IL18RAP: variants seen among roughly 807,000 people sequenced by gnomAD.
IL18RAP encodes the protein interleukin-18 receptor accessory protein.
IL18RAP carries 37 observed loss-of-function variants against 58.1 expected under a neutral mutation model. That is an observed-to-expected ratio of 0.64 (90% confidence interval 0.49 to 0.84). The LOEUF (loss-of-function observed/expected upper bound fraction) is 0.84, where lower values mean the gene tolerates loss of function less well. Among genes scored for constraint, IL18RAP ranks in the 40% least tolerant of loss-of-function variants. IL18RAP has a pLI of 0.00. For missense variants in IL18RAP, 667 were observed against 704.8 expected, an observed-to-expected ratio of 0.95 and a Z score of 0.61; for synonymous variants, 268 against 257.5, an observed-to-expected ratio of 1.04 and a Z score of -0.39.
At chr2:102,432,761 C>G (rs1479977140) in intron 3 of IL18RAP, among the ~76,000 whole-genome samples, 2 of 152,080 alleles carry the variant, frequency 1.3e-5, no homozygotes, top group Non-Finnish European at 2.9e-5. Flanking sequence ...GTGCTGGAGC[C>G]TGGCTGGGTC....
At position 102,423,224 on chromosome 2, in the gene IL18RAP, T is replaced by C; in HGVS notation, c.-54T>C. The C allele has an allele frequency of 1.3e-6, 2 of 1,527,864 alleles. No individual in the cohort carries two copies. The highest frequency in any genetic ancestry group is 1.8e-6 in the Non-Finnish European group (2 of 1,101,614). The allele number at this position is 1,527,864 out of a possible 1,614,324, so 94.6% of individuals were successfully genotyped here. A position where few individuals can be genotyped will look rare whatever the true frequency, so the allele number is the denominator to read the frequency against. On this transcript the variant is annotated 5_prime_UTR_variant, in exon 1 of 10. Transcript: ENST00000687160. Reference sequence around the variant, plus strand: ...CAGAGTTCTGAATCTCAAAACACTCTACTCTGGCAAAGGAATGAAGTTATT... The same window carrying C: ...CAGAGTTCTGAATCTCAAAACACTCCACTCTGGCAAAGGAATGAAGTTATT...
chr2:102,428,264 T>G (rs904562744), intron 3 of IL18RAP, among the ~76,000 whole-genome samples: 1 of 151,828 alleles, frequency 6.6e-6, no homozygotes, highest in Non-Finnish European at 1.5e-5. Context: ...AGGGTTTGCA[T>G]TGAATGTGTA....
intron 3 of IL18RAP, among the ~76,000 whole-genome samples, chr2:102,430,933 T>C (rs1682307814): frequency 6.6e-6 from 1 of 152,196 alleles, no homozygotes; most frequent in African/African-American, 2.4e-5. Context: ...GTTTTGTCTA[T>C]TAACCTTCAT....
At chr2:102,443,735 C>T (rs1683247096) in intron 6 of IL18RAP, among the ~76,000 whole-genome samples, 1 of 152,050 alleles carries the variant, frequency 6.6e-6, no homozygotes, top group African/African-American at 2.4e-5. Flanking sequence ...GGGGAAATGG[C>T]ATCATAATAA....
Position 102,449,807 on chromosome 2 carries a change from C to T in IL18RAP, c.1211-1041C>T, listed in dbSNP as rs1330007823. On this transcript the variant is annotated intron_variant, in intron 8 of 9. Coordinates refer to ENST00000687160, the MANE Select transcript of IL18RAP (RefSeq NM_001393487.1). ...GAATAGAGGCAACTGTGGTGTGTTA[C>T]ACATTTAAACAGCACAGCACCTACC... Among the ~76,000 whole-genome samples, 10 of 152,112 alleles carry T rather than the reference C, an allele frequency of 6.6e-5. No individual in the cohort carries two copies. The East Asian group carries it at 1.7e-3, about 26-fold the overall frequency.
At position 102,441,292 on chromosome 2, in the gene IL18RAP, T is replaced by C; in HGVS notation, c.731-20T>C. On this transcript the variant is annotated intron_variant, in intron 4 of 9. Transcript: ENST00000687160. ...TCAGACTTTCCAATGCAAATAGTAA[T>C]CTTTGTTTTCATCTTTCAGTGGGAG... 2 of 1,604,684 alleles carry C rather than the reference T, an allele frequency of 1.2e-6. No individual in the cohort carries two copies. Among genetic ancestry groups the C allele is most frequent in the Non-Finnish European group, 1.7e-6 (2 of 1,171,874 alleles).
chr2:102,422,857 G>A (rs2104286977), upstream of IL18RAP, among the ~76,000 whole-genome samples: 1 of 151,990 alleles, frequency 6.6e-6, no homozygotes, highest in Admixed American at 6.5e-5. Flanking sequence ...CATTTTTTCA[G>A]GAAAAGTTAA....
At chr2:102,418,869 G>T (rs186200087), upstream of IL18RAP, 4 of 152,362 alleles carry the variant, frequency 2.6e-5, no homozygotes, top group Admixed American at 2.6e-4. Context: ...AGATACAAAA[G>T]CTGGCAGTTA....
chr2:102,450,248 T>A (rs1417720350), intron 8 of IL18RAP, among the ~76,000 whole-genome samples: 1 of 126 alleles, frequency 7.9e-3, no homozygotes, highest in Admixed American at 0.12. Flanking sequence ...TAGTTTTCCA[T>A]CTAGAATAGA....
At chr2:102,424,473 T>C in intron 3 of IL18RAP, 59 bp downstream of exon 3, 4 of 1,466,832 alleles carry the variant, frequency 2.7e-6, no homozygotes, top group South Asian at 2.5e-5. Flanking sequence ...ATCTTCTTCA[T>C]GGGCTTTTCA....
chr2:102,446,881 G>T (rs561984529), intron 7 of IL18RAP, among the ~76,000 whole-genome samples, 189 bp from the exon 8 acceptor site: 1 of 152,108 alleles, frequency 6.6e-6, no homozygotes, highest in East Asian at 1.9e-4. Context: ...TCCTTTTTAT[G>T]GCTAAGTAGT....
At chr2:102,433,596 T>C (rs1280029587) in intron 3 of IL18RAP, among the ~76,000 whole-genome samples, 1 of 151,932 alleles carries the variant, frequency 6.6e-6, no homozygotes, top group Non-Finnish European at 1.5e-5. Context: ...TCTAGCTCAG[T>C]GCACTGAGCT....
At chr2:102,434,356 G>A (rs556418500) in intron 3 of IL18RAP, 23 of 152,250 alleles carry the variant, frequency 1.5e-4, no homozygotes, top group East Asian at 5.8e-4. Context: ...TGTTTGTAGA[G>A]TAGAATTTGT....
chr2:102,433,591 C>G (rs1381157711), intron 3 of IL18RAP, among the ~76,000 whole-genome samples: 2 of 151,606 alleles, frequency 1.3e-5, no homozygotes, highest in African/African-American at 4.8e-5. Flanking sequence ...GCGCATCTAG[C>G]TCAGTGCACT....
chr2:102,424,322 C>G lies in IL18RAP; in HGVS notation c.487C>G (p.Gln163Glu). The change falls in exon 3 of 10, where the codon CAA (glutamine) becomes GAA (glutamate). Residue 163 changes from glutamine (Q) to glutamate (E), a missense_variant. Gln to Glu is a conservative substitution (Grantham distance 29, BLOSUM62 2). Coordinates refer to ENST00000687160, the MANE Select transcript of IL18RAP (RefSeq NM_001393487.1). Reference protein sequence around the residue: ...ASCEYSASHKQDLLLGSTGSI... With the variant: ...ASCEYSASHKEDLLLGSTGSI... The stretch of plus-strand genomic sequence containing the variant: ...CTGTGAGTATTCCGCATCACATAAG[C>G]AAGACCTACTTCTTGGGAGCACTGG... 6.2e-7 allele frequency: 1 copy of G among 1,614,048 alleles called. No individual in the cohort carries two copies. The highest frequency in any genetic ancestry group is 2.2e-5 in the East Asian group (1 of 44,882).
In IL18RAP at chr2:102,441,268, C is replaced by G. The variant is rs1024670576; in HGVS notation, c.731-44C>G. The G allele has an allele frequency of 4.6e-6, 7 of 1,512,530 alleles. No homozygotes were observed. In the African/African-American group the frequency reaches 8.2e-5, roughly 18 times the overall value. 93.7% of individuals were successfully genotyped at this position (1,512,530 alleles called of 1,614,324 possible). ...CCTAAATCTTCATCAAGCAGGCCTT[C>G]AGACTTTCCAATGCAAATAGTAATC... On this transcript the variant is annotated intron_variant, in intron 4 of 9. Coordinates refer to ENST00000687160, the MANE Select transcript of IL18RAP (RefSeq NM_001393487.1).
chr2:102,432,900 A>T (rs1002286365), intron 3 of IL18RAP, among the ~76,000 whole-genome samples: 2 of 152,262 alleles, frequency 1.3e-5, no homozygotes, highest in African/African-American at 2.4e-5. Context: ...GTAATGAAAA[A>T]ATAGCCTTGG....
chr2:102,442,948 T>C (rs1683193122), intron 5 of IL18RAP, among the ~76,000 whole-genome samples: 1 of 152,218 alleles, frequency 6.6e-6, no homozygotes, highest in Admixed American at 6.5e-5. Context: ...GATATAATCA[T>C]GCTCATCTTC....
At chr2:102,427,375 T>C (rs375527492) in intron 3 of IL18RAP, among the ~76,000 whole-genome samples, 1 of 152,076 alleles carries the variant, frequency 6.6e-6, no homozygotes, top group Non-Finnish European at 1.5e-5. Context: ...CTACCAACAA[T>C]GTACAACAGA....
Sources: gnomAD v4.1 joint callset for allele counts (sites outside exome capture counted in the v4.1 genomes callset) on GRCh38, gnomAD v4.1.1 for gene constraint, MANE v1.5 for transcripts, NCBI Gene and HGNC (gene_info 2026-07-23, HGNC 2026-07-21) for gene names.